Variants in RBBP9 observed in about 807,000 individuals in gnomAD.
RBBP9 encodes RB binding protein 9, serine hydrolase.
Under a neutral mutation model 24.2 loss-of-function variants are expected in RBBP9, and 20 were observed. The observed-to-expected ratio is 0.83, with a 90% CI of 0.58 to 1.20. The LOEUF (loss-of-function observed/expected upper bound fraction) is 1.20. RBBP9 is among the 50% of genes most tolerant of loss of function. The pLI is 0.00. For missense variants in RBBP9, 234 were observed against 233.6 expected (o/e 1.00, Z -0.01); for synonymous variants, 74 against 84.6 (o/e 0.87, Z 0.69).
In RBBP9 at chr20:18,489,845, G is replaced by C; in HGVS notation, c.480C>G (p.Phe160Leu). 6.2e-7 allele frequency: 1 copy of C among 1,614,118 alleles called. No individual in the cohort carries two copies. The highest frequency in any genetic ancestry group is 8.5e-7 in the Non-Finnish European group (1 of 1,179,992). The change falls in exon 5 of 5, where the codon TTC (phenylalanine) becomes TTG (leucine). Residue 160 changes from phenylalanine to leucine, a missense_variant. By Grantham distance (22) the Phe-to-Leu change is conservative. Transcript: ENST00000337227. ...ADRLETKLHKFTDCGHFQNTE... is the reference protein window; with the variant it reads ...ADRLETKLHKLTDCGHFQNTE... The stretch of plus-strand genomic sequence containing the variant: ...TGTTCTGAAAGTGGCCACAGTCAGT[G>C]AATTTGTGCAATTTGGTTTCCAACC...
intron 3 of RBBP9, 32 bp downstream of exon 3, chr20:18,493,926 C>G: frequency 6.6e-7 from 1 of 1,525,224 alleles, no homozygotes; most frequent in Non-Finnish European, 8.9e-7. Context: ...CTGGAGCCCA[C>G]AAAGGGGATA....
At position 18,489,733 on chromosome 20, in the gene RBBP9, T is replaced by C. The variant is rs139707042; in HGVS notation, c.*31A>G. 7,418 of 1,445,540 alleles carry C rather than the reference T, an allele frequency of 5.1e-3. 22 individuals carry two copies. Among genetic ancestry groups the C allele is most frequent in the Non-Finnish European group, 6.3e-3 (6,489 of 1,030,072 alleles). The allele number at this position is 1,445,540 out of a possible 1,614,324, so 89.5% of individuals were successfully genotyped here. ...TAGTAGATATTATTCTACTCCTATATTGGGATGCAAAATAGCAGAAATCAT... is the reference window on the plus strand; with the variant it reads ...TAGTAGATATTATTCTACTCCTATACTGGGATGCAAAATAGCAGAAATCAT... On this transcript the variant is annotated 3_prime_UTR_variant, in exon 5 of 5. Transcript: ENST00000337227.
At chr20:18,492,096 C>CAAAAA (rs71194242) in intron 3 of RBBP9, among the ~76,000 whole-genome samples, 59 of 70,022 alleles carry the variant, frequency 8.4e-4, no homozygotes, top group East Asian at 3.0e-3. Flanking sequence ...GGCTCTGTCT[C>CAAAAA]AAAAAAAAAA....
Position 18,490,403 on chromosome 20 carries a change from C to G in RBBP9, c.326G>C (p.Arg109Pro), listed in dbSNP as rs372324175. Residue 109 changes from arginine (R) to proline (P), a missense_variant, in exon 4 of 5, where the codon CGT (arginine) becomes CCT (proline). Physicochemically the swap from Arg to Pro is moderately radical, Grantham distance 103. Transcript: ENST00000337227. ...TCTACCTTTGGACTTACCACTTGCA[C>G]GCTCATTTTCATCCCCCAAGTCTGA... ...YTSDLGDENERASGYFTRPWQ... is the reference protein window; with the variant it reads ...YTSDLGDENEPASGYFTRPWQ... 15 of 1,612,506 alleles carry G rather than the reference C, an allele frequency of 9.3e-6. No homozygotes were observed. The African/African-American group carries it at 1.7e-4, about 19-fold the overall frequency.
intron 2 of RBBP9, among the ~76,000 whole-genome samples, chr20:18,494,668 G>A (rs1253759528): frequency 2.0e-5 from 3 of 151,656 alleles, no homozygotes; most frequent in Non-Finnish European, 4.4e-5. Context: ...GCAACAGAGC[G>A]AGACTCCATC....
intron 2 of RBBP9, 114 bp downstream of exon 2, chr20:18,495,724 A>T: frequency 1.1e-6 from 1 of 884,452 alleles, no homozygotes. Context: ...ATTCTTTCTT[A>T]GGTATATAGG....
At chr20:18,495,590 A>G (rs1447160533) in intron 2 of RBBP9, among the ~76,000 whole-genome samples, 3 of 15,754 alleles carry the variant, frequency 1.9e-4, no homozygotes, top group Non-Finnish European at 1.0e-3. Context: ...TCAATAAATA[A>G]ATAAATAAAT....
intron 3 of RBBP9, among the ~76,000 whole-genome samples, chr20:18,492,161 G>A (rs1410542341): frequency 2.7e-5 from 4 of 147,030 alleles, no homozygotes; most frequent in South Asian, 2.2e-4. Context: ...CATTTCACCC[G>A]TACTTTAGCA....
At position 18,488,722 on chromosome 20, in the gene RBBP9, C is replaced by T. The variant is rs571560610; in HGVS notation, c.*1042G>A. ...AAACACTTGTCTTTTGGAACAAAAT[C>T]CAAATTGTCCCCATGATTTCGTCCT... On this transcript the variant is annotated 3_prime_UTR_variant, in exon 5 of 5. Coordinates refer to ENST00000337227, the MANE Select transcript of RBBP9 (RefSeq NM_006606.3). The T allele has an allele frequency of 6.6e-6, 1 of 152,332 alleles. No homozygotes were observed. The highest frequency in any genetic ancestry group is 1.9e-4 in the East Asian group (1 of 5,182). The allele number at this position is 152,332 out of a possible 1,614,324, so 9.4% of individuals were successfully genotyped here.
chr20:18,489,838 A>C lies in RBBP9; in HGVS notation c.487T>G (p.Cys163Gly). The C allele has an allele frequency of 6.2e-7, 1 of 1,614,156 alleles. No homozygotes were observed. Among genetic ancestry groups the C allele is most frequent in the Non-Finnish European group, 8.5e-7 (1 of 1,179,990 alleles). ...AACTCTGTGTTCTGAAAGTGGCCACAGTCAGTGAATTTGTGCAATTTGGTT... is the reference window on the plus strand; with the variant it reads ...AACTCTGTGTTCTGAAAGTGGCCACCGTCAGTGAATTTGTGCAATTTGGTT... ...LETKLHKFTDCGHFQNTEFHE... is the reference protein window; with the variant it reads ...LETKLHKFTDGGHFQNTEFHE... Residue 163 changes from cysteine (C) to glycine (G), a missense_variant, in exon 5 of 5, where the codon TGT (cysteine) becomes GGT (glycine). Coordinates refer to ENST00000337227, the MANE Select transcript of RBBP9 (RefSeq NM_006606.3).
Position 18,489,704 on chromosome 20 carries a change from C to A in RBBP9, c.*60G>T. On this transcript the variant is annotated 3_prime_UTR_variant, in exon 5 of 5. Coordinates refer to ENST00000337227, the MANE Select transcript of RBBP9 (RefSeq NM_006606.3). ...GATGTTCTATGTGTCTAGTAATCAG[C>A]TGATAGTAGATATTATTCTACTCCT... 8.8e-7 allele frequency: 1 copy of A among 1,133,320 alleles called. No homozygotes were observed. The allele number at this position is 1,133,320 out of a possible 1,614,324, so 70.2% of individuals were successfully genotyped here. A position where few individuals can be genotyped will look rare whatever the true frequency, so the allele number is the denominator to read the frequency against.
intron 3 of RBBP9, among the ~76,000 whole-genome samples, chr20:18,491,356 C>T (rs1021386917): frequency 5.3e-5 from 8 of 152,196 alleles, no homozygotes; most frequent in African/African-American, 1.9e-4. Context: ...GGCATGAGTC[C>T]TATTGATCTT....
chr20:18,489,844 T>A lies in RBBP9; in HGVS notation c.481A>T (p.Thr161Ser), dbSNP rs1379056613. The change falls in exon 5 of 5, where the codon ACT becomes TCT. Residue 161 changes from threonine to serine, a missense_variant. By Grantham distance (58) the Thr-to-Ser change is moderately conservative. Transcript: ENST00000337227. Reference protein sequence around the residue: ...DRLETKLHKFTDCGHFQNTEF... With the variant: ...DRLETKLHKFSDCGHFQNTEF... Reference sequence around the variant, plus strand: ...GTGTTCTGAAAGTGGCCACAGTCAGTGAATTTGTGCAATTTGGTTTCCAAC... The same window carrying A: ...GTGTTCTGAAAGTGGCCACAGTCAGAGAATTTGTGCAATTTGGTTTCCAAC... 27 of 1,614,156 alleles carry A rather than the reference T, an allele frequency of 1.7e-5. No individual in the cohort carries two copies. The highest frequency in any genetic ancestry group is 1.7e-4 in the Middle Eastern group (1 of 6,052).
At chr20:18,494,291 T>TG (rs1180716548) in intron 2 of RBBP9, among the ~76,000 whole-genome samples, 1 of 150,910 alleles carries the variant, frequency 6.6e-6, no homozygotes, top group Non-Finnish European at 1.5e-5. Context: ...TCTTTTTTTT[T>TG]TTTTTTTTTG....
intron 2 of RBBP9, among the ~76,000 whole-genome samples, chr20:18,494,476 C>T (rs556623123): frequency 1.3e-5 from 2 of 151,774 alleles, no homozygotes; most frequent in African/African-American, 4.8e-5. Flanking sequence ...GTCAGGAGTT[C>T]GAGACCAGCC....
chr20:18,489,560 T>C lies in RBBP9; in HGVS notation c.*204A>G, dbSNP rs1435237060. On this transcript the variant is annotated 3_prime_UTR_variant, in exon 5 of 5. Coordinates refer to ENST00000337227, the MANE Select transcript of RBBP9 (RefSeq NM_006606.3). ...TTCTTATCAAATGAGGAAAATACTG[T>C]GGTAGTTCATAGCAATTTGGGGAGT... 2 of 519,198 alleles carry C rather than the reference T, an allele frequency of 3.9e-6. No homozygotes were observed. The highest frequency in any genetic ancestry group is 6.9e-6 in the Non-Finnish European group (2 of 291,656). 32.2% of individuals were successfully genotyped at this position (519,198 alleles called of 1,614,324 possible).
At chr20:18,496,419 G>A (rs1057271472) in intron 1 of RBBP9, among the ~76,000 whole-genome samples, 4 of 152,140 alleles carry the variant, frequency 2.6e-5, no homozygotes, top group African/African-American at 9.7e-5. Context: ...AAATCAAACG[G>A]CACAGGTCAG....
rs1474873225 is a variant in RBBP9 at position 18,495,859 on chromosome 20, C to A, written c.121G>T (p.Ala41Ser). 6.4e-7 allele frequency: 1 copy of A among 1,569,968 alleles called. No individual in the cohort carries two copies. The highest frequency in any genetic ancestry group is 8.7e-7 in the Non-Finnish European group (1 of 1,144,030). The change falls in exon 2 of 5, where the codon GCT (alanine) becomes TCT (serine). Residue 41 changes from alanine to serine, a missense_variant. Ala to Ser is a moderately conservative substitution (Grantham distance 99). Coordinates refer to ENST00000337227, the MANE Select transcript of RBBP9 (RefSeq NM_006606.3). ...TTACTTGGGTCGGGCATGTTTTTAG[C>A]CAAACACTGGAAACCAGGTATCTAT... Reference protein sequence around the residue: ...LEKIPGFQCLAKNMPDPITAR... With the variant: ...LEKIPGFQCLSKNMPDPITAR...
In RBBP9 at chr20:18,495,967, G is replaced by T. The variant is rs1380460391; in HGVS notation, c.100-87C>A. On this transcript the variant is annotated intron_variant, in intron 1 of 4. Coordinates refer to ENST00000337227, the MANE Select transcript of RBBP9 (RefSeq NM_006606.3). Reference sequence around the variant, plus strand: ...TAATAAGAAATGAGGCACCTGATATGATCGTTACCAATTCAGTATTAACTT... The same window carrying T: ...TAATAAGAAATGAGGCACCTGATATTATCGTTACCAATTCAGTATTAACTT... The T allele has an allele frequency of 2.7e-6, 3 of 1,095,428 alleles. No homozygotes were observed. In the African/African-American group the frequency reaches 4.9e-5, roughly 18 times the overall value. 67.9% of individuals were successfully genotyped at this position (1,095,428 alleles called of 1,614,324 possible).
Sources: allele counts gnomAD v4.1 joint callset (sites outside exome capture counted in the v4.1 genomes callset), GRCh38; gene constraint gnomAD v4.1.1; transcripts MANE v1.5; gene names NCBI Gene and HGNC (gene_info 2026-07-23, HGNC 2026-07-21).